The following PCED1B variants were observed in gnomAD, a reference collection of about 807,000 sequenced individuals.
PCED1B encodes PC-esterase domain-containing protein 1B.
For synonymous variants in PCED1B, 251 were observed against 246.1 expected, an observed-to-expected ratio of 1.02 and a Z score of -0.19; for missense variants, 573 against 573.9, an observed-to-expected ratio of 1.00 and a Z score of 0.02.
chr12:47,124,809 A>G (rs143147810), intron 2 of PCED1B, among the ~76,000 whole-genome samples: 245 of 152,024 alleles, frequency 1.6e-3, no homozygotes, highest in African/African-American at 5.6e-3. Flanking sequence ...TGCCATCTGT[A>G]TTTATCTTTG....
At chr12:47,148,417 A>G (rs1413331988) in intron 2 of PCED1B, among the ~76,000 whole-genome samples, 1 of 152,194 alleles carries the variant, frequency 6.6e-6, no homozygotes, top group Non-Finnish European at 1.5e-5. Flanking sequence ...TGGATACTAG[A>G]AAAAAATTTA....
intron 3 of PCED1B, among the ~76,000 whole-genome samples, chr12:47,222,155 C>A: frequency 6.9e-6 from 1 of 143,912 alleles, no homozygotes; most frequent in African/African-American, 2.6e-5. Context: ...CGTGGTGGCT[C>A]ACGCCTGTAA....
intron 2 of PCED1B, among the ~76,000 whole-genome samples, chr12:47,215,379 G>A (rs937156475): frequency 2.0e-5 from 3 of 151,276 alleles, no homozygotes; most frequent in African/African-American, 4.9e-5. Flanking sequence ...TCAGCCCCCC[G>A]AGTAGCTGGG....
At chr12:47,117,096 C>T (rs944319687) in intron 2 of PCED1B, among the ~76,000 whole-genome samples, 1 of 152,136 alleles carries the variant, frequency 6.6e-6, no homozygotes, top group African/African-American at 2.4e-5. Context: ...GATCCTCCCA[C>T]CATGGACTCC....
chr12:47,214,942 A>G lies in PCED1B; in HGVS notation c.-525-1280A>G, dbSNP rs1489187047. ...CTCGCTGTTGCCCAGGCTGAGGTGCAGTGGCGCAATCTCGGCTTGCTGCAA... is the reference window on the plus strand; with the variant it reads ...CTCGCTGTTGCCCAGGCTGAGGTGCGGTGGCGCAATCTCGGCTTGCTGCAA... On this transcript the variant is annotated intron_variant, in intron 2 of 3. Coordinates refer to ENST00000546455, the MANE Select transcript of PCED1B (RefSeq NM_138371.3). 2.0e-5 allele frequency among the ~76,000 whole-genome samples: 3 copies of G among 152,192 alleles called. No homozygotes were observed. In the East Asian group the frequency reaches 5.8e-4, roughly 29 times the overall value.
chr12:47,106,941 C>A (rs182673546), intron 2 of PCED1B, among the ~76,000 whole-genome samples: 1 of 152,112 alleles, frequency 6.6e-6, no homozygotes. Flanking sequence ...TTCCTTTCTG[C>A]CTCCTAGGAA....
intron 2 of PCED1B, among the ~76,000 whole-genome samples, chr12:47,180,478 G>A (rs942820893): frequency 6.6e-6 from 1 of 152,004 alleles, no homozygotes; most frequent in African/African-American, 2.4e-5. Context: ...AACTCAAGAT[G>A]GATTAAAGAC....
At chr12:47,154,164 T>C (rs1325675120) in intron 2 of PCED1B, among the ~76,000 whole-genome samples, 2 of 152,224 alleles carry the variant, frequency 1.3e-5, no homozygotes, top group Non-Finnish European at 1.5e-5. Flanking sequence ...CATGAAACAG[T>C]AGCAGGCTAA....
chr12:47,104,873 C>T (rs1938874962), intron 2 of PCED1B, among the ~76,000 whole-genome samples: 1 of 152,218 alleles, frequency 6.6e-6, no homozygotes, highest in African/African-American at 2.4e-5. Flanking sequence ...GCTTCTGCCC[C>T]TTCCTCATGT....
intron 3 of PCED1B, among the ~76,000 whole-genome samples, chr12:47,218,910 G>C (rs921910990): frequency 6.6e-6 from 1 of 152,078 alleles, no homozygotes; most frequent in African/African-American, 2.4e-5. Flanking sequence ...GGAGGCCTAG[G>C]TGGGTGGATC....
At chr12:47,161,816 A>G (rs1436151698) in intron 2 of PCED1B, among the ~76,000 whole-genome samples, 2 of 152,210 alleles carry the variant, frequency 1.3e-5, no homozygotes, top group Non-Finnish European at 2.9e-5. Flanking sequence ...ATGCACACAT[A>G]TGTTTATTGC....
chr12:47,152,503 G>A (rs1415242579), intron 2 of PCED1B, among the ~76,000 whole-genome samples: 1 of 152,228 alleles, frequency 6.6e-6, no homozygotes, highest in Non-Finnish European at 1.5e-5. Context: ...CCAGATAGAG[G>A]AGAATTAGGA....
chr12:47,173,243 A>G (rs913102143), intron 2 of PCED1B, among the ~76,000 whole-genome samples: 2 of 152,144 alleles, frequency 1.3e-5, no homozygotes, highest in Non-Finnish European at 2.9e-5. Context: ...CGAAGTTCAG[A>G]ATCATTTATC....
rs1363165153 is a variant in PCED1B, at chr12:47,236,495, C to CA, written c.*134dup. ...GTCCATGCCTCGTCTTCCTTTTGTT[C>CA]ATTGCTGTTACCAAGAAAGCCAAGG... On this transcript the variant is annotated 3_prime_UTR_variant, in exon 4 of 4. Coordinates refer to ENST00000546455, the MANE Select transcript of PCED1B (RefSeq NM_138371.3). The CA allele has an allele frequency of 3.2e-6, 3 of 941,486 alleles. No homozygotes were observed. The highest frequency in any genetic ancestry group is 2.8e-5 in the East Asian group (1 of 35,794). 58.3% of individuals were successfully genotyped at this position (941,486 alleles called of 1,614,324 possible).
At chr12:47,146,995 G>GCA (rs1940811122) in intron 2 of PCED1B, among the ~76,000 whole-genome samples, 1 of 96,978 alleles carries the variant, frequency 1.0e-5, no homozygotes. Flanking sequence ...CTAGTTCATT[G>GCA]CTCTTTTTTT....
chr12:47,145,360 A>G (rs1940745832), intron 2 of PCED1B, among the ~76,000 whole-genome samples: 1 of 152,238 alleles, frequency 6.6e-6, no homozygotes, highest in African/African-American at 2.4e-5. Context: ...ACAAGTGCTG[A>G]TGTAGAAGCT....
At chr12:47,199,582 T>C (rs1391479369) in intron 2 of PCED1B, among the ~76,000 whole-genome samples, 1 of 152,170 alleles carries the variant, frequency 6.6e-6, no homozygotes, top group Non-Finnish European at 1.5e-5. Context: ...AGTCAATTGA[T>C]CTTTGACAAA....
At chr12:47,185,599 G>A (rs546564813) in intron 2 of PCED1B, among the ~76,000 whole-genome samples, 5 of 151,544 alleles carry the variant, frequency 3.3e-5, no homozygotes, top group African/African-American at 9.7e-5. Flanking sequence ...GACCAGCCTG[G>A]CCAACATGTT....
chr12:47,101,430 T>C (rs1322422089), intron 1 of PCED1B, among the ~76,000 whole-genome samples: 1 of 152,214 alleles, frequency 6.6e-6, no homozygotes, highest in Non-Finnish European at 1.5e-5. Flanking sequence ...GCCTGAAATC[T>C]CTTTCTAAGA....
Sources: allele counts gnomAD v4.1 joint callset (sites outside exome capture counted in the v4.1 genomes callset), GRCh38; gene constraint gnomAD v4.1.1; transcripts MANE v1.5; gene names NCBI Gene and HGNC (gene_info 2026-07-23, HGNC 2026-07-21).